BNIP1: variants seen among roughly 807,000 people sequenced by gnomAD.
BNIP1 encodes BCL2 interacting protein 1, also known as vesicle transport protein SEC20.
Under a neutral mutation model 28.5 loss-of-function variants are expected in BNIP1, and 25 were observed. That is an observed-to-expected ratio of 0.88 (90% CI 0.64 to 1.23). The LOEUF (loss-of-function observed/expected upper bound fraction) is 1.23, where lower values mean the gene tolerates loss of function less well. Among genes scored for constraint, BNIP1 ranks in the 50% most tolerant of loss-of-function variants. The pLI, the probability that BNIP1 is intolerant of heterozygous loss-of-function variation, is 0.00. For synonymous variants in BNIP1, 118 were observed against 101.7 expected, an observed-to-expected ratio of 1.16 and a Z score of -0.96; for missense variants, 276 against 277.0, an observed-to-expected ratio of 1.00 and a Z score of 0.02.
rs750874584 is a variant in BNIP1 at position 173,163,927 on chromosome 5, CA to C, written c.*9del. 2 of 1,596,370 alleles carry C rather than the reference CA, an allele frequency of 1.3e-6. No homozygotes were observed. Among genetic ancestry groups the C allele is most frequent in the Non-Finnish European group, 1.7e-6 (2 of 1,170,616 alleles). On this transcript the variant is annotated 3_prime_UTR_variant, in exon 6 of 6. Coordinates refer to ENST00000351486, the MANE Select transcript of BNIP1 (RefSeq NM_001205.3). ...GGCTCTTTCCATTTTTGTGAGATCC[CA>C]AAGGTGCCAGTTCTGGCCCTTTCAG...
Position 173,146,085 on chromosome 5 carries a change from T to C in BNIP1, c.85-781T>C, listed in dbSNP as rs1378287759. On this transcript the variant is annotated intron_variant, in intron 1 of 5. Transcript: ENST00000351486. ...ACTCTTTCTAACATTTGGGTTCTTG[T>C]CATTGCTGATGAGAAAGACTGATTA... Among the ~76,000 whole-genome samples, 3 of 152,242 alleles carry C rather than the reference T, an allele frequency of 2.0e-5. No individual in the cohort carries two copies. The East Asian group carries it at 5.8e-4, about 29-fold the overall frequency.
At chr5:173,158,326 CG>C (rs1760263796) in intron 3 of BNIP1, among the ~76,000 whole-genome samples, 1 of 152,166 alleles carries the variant, frequency 6.6e-6, no homozygotes, top group Non-Finnish European at 1.5e-5. Flanking sequence ...CATGGTTCTC[CG>C]GGGATGGTAC....
chr5:173,159,877 C>G, intron 4 of BNIP1, 56 bp from the exon 5 acceptor site: 1 of 1,476,404 alleles, frequency 6.8e-7, no homozygotes, highest in Admixed American at 1.7e-5. Flanking sequence ...GTGGGGCCTT[C>G]TTGCAGGGAG....
intron 5 of BNIP1, among the ~76,000 whole-genome samples, chr5:173,162,088 T>C (rs1760378605): frequency 6.6e-6 from 1 of 152,128 alleles, no homozygotes; most frequent in Non-Finnish European, 1.5e-5. Flanking sequence ...ACATACAGCA[T>C]AGAGAAGGAT....
chr5:173,162,910 A>G (rs575065091), intron 5 of BNIP1, among the ~76,000 whole-genome samples: 32 of 152,250 alleles, frequency 2.1e-4, no homozygotes, highest in South Asian at 2.1e-4. Context: ...AAGCTTTTGT[A>G]ACTTAAGCAA....
intron 4 of BNIP1, 65 bp downstream of exon 4, chr5:173,158,910 A>G: frequency 7.9e-7 from 1 of 1,260,192 alleles, no homozygotes; most frequent in Non-Finnish European, 1.1e-6. Context: ...GGTGTAGGAA[A>G]CCCCCTCTTG....
chr5:173,156,708 C>T (rs558260031), intron 3 of BNIP1, among the ~76,000 whole-genome samples: 44 of 148,642 alleles, frequency 3.0e-4, no homozygotes, highest in Middle Eastern at 3.5e-3. Context: ...AGTGCAGTGG[C>T]GCAATCTCGG....
At position 173,146,873 on chromosome 5, in the gene BNIP1, G is replaced by C; in HGVS notation, c.92G>C (p.Arg31Pro). The change falls in exon 2 of 6, where the codon CGT (arginine) becomes CCT (proline). Residue 31 changes from arginine to proline, a missense_variant. Transcript: ENST00000351486. ...CTGTTCAATGTCTCCTAGGATATCC[G>C]TGATTGTTCAGGACCCTTAAGTGCT... ...LEVKALIQDI[R>P]DCSGPLSALT... is the part of the protein sequence containing the mutation. 6.2e-7 allele frequency: 1 copy of C among 1,612,970 alleles called. No individual in the cohort carries two copies. The highest frequency in any genetic ancestry group is 1.7e-5 in the Admixed American group (1 of 60,012).
intron 1 of BNIP1, among the ~76,000 whole-genome samples, chr5:173,146,611 A>T (rs1221436232): frequency 1.3e-5 from 2 of 152,238 alleles, no homozygotes; most frequent in Non-Finnish European, 2.9e-5. Context: ...AAATTTAGGC[A>T]CTAAAAATTA....
chr5:173,155,200 T>C (rs1760149884), intron 3 of BNIP1, among the ~76,000 whole-genome samples: 1 of 152,220 alleles, frequency 6.6e-6, no homozygotes, highest in African/African-American at 2.4e-5. Flanking sequence ...GAGGTTGTAA[T>C]TGCAGGTGTG....
In BNIP1 at chr5:173,154,418, G is replaced by T. The variant is rs1419654986; in HGVS notation, c.269+5G>T. 1 of 1,609,190 alleles carries T rather than the reference G, an allele frequency of 6.2e-7. No homozygotes were observed. The highest frequency in any genetic ancestry group is 1.7e-5 in the Admixed American group (1 of 59,400). Reference sequence around the variant, plus strand: ...TCACAAAAAGCAGATGCTCAGGTAGGCAGGGCCTGCCCCCGCCAGCGGCTT... The same window carrying T: ...TCACAAAAAGCAGATGCTCAGGTAGTCAGGGCCTGCCCCCGCCAGCGGCTT... On this transcript the variant is annotated splice_donor_5th_base_variant and intron_variant, in intron 3 of 5. Coordinates refer to ENST00000351486, the MANE Select transcript of BNIP1 (RefSeq NM_001205.3).
chr5:173,158,668 G>A, intron 3 of BNIP1, 76 bp from the exon 4 acceptor site: 1 of 1,197,930 alleles, frequency 8.3e-7, no homozygotes, highest in Admixed American at 2.1e-5. Context: ...CCTTTGTTGG[G>A]GGGAAGTGCT....
At chr5:173,157,910 T>TTG (rs758398770) in intron 3 of BNIP1, among the ~76,000 whole-genome samples, 23 of 149,040 alleles carry the variant, frequency 1.5e-4, no homozygotes, top group Middle Eastern at 7.1e-3. Context: ...GATTGGCTTT[T>TTG]TGTGTGTGTG....
At position 173,146,166 on chromosome 5, in the gene BNIP1, A is replaced by G. The variant is rs549000694; in HGVS notation, c.85-700A>G. On this transcript the variant is annotated intron_variant, in intron 1 of 5. Transcript: ENST00000351486. ...CCAGCAGCTCTGCTAAGTGCTTTAC[A>G]TACATACATAATCTATGATGTTCTA... Among the ~76,000 whole-genome samples, 52 of 152,364 alleles carry G rather than the reference A, an allele frequency of 3.4e-4. No homozygotes were observed. In the South Asian group the frequency reaches 0.011, roughly 32 times the overall value.
chr5:173,154,173 G>A (rs995914117), intron 2 of BNIP1, 149 bp from the exon 3 acceptor site: 3 of 618,038 alleles, frequency 4.9e-6, no homozygotes, highest in Non-Finnish European at 5.7e-6. Flanking sequence ...AAAAGGATGT[G>A]TGTTATATGT....
chr5:173,163,789 G>C lies in BNIP1; in HGVS notation c.555G>C (p.Gln185His). ...TTAAGTCCATGTCGGGCACCATCCA[G>C]CTGGGCCGGAAGCTTATCACAAAAT... ...EEFKSMSGTIQLGRKLITKYN... is the reference protein window; with the variant it reads ...EEFKSMSGTIHLGRKLITKYN... Residue 185 changes from glutamine (Q) to histidine (H), a missense_variant, in exon 6 of 6, where the codon CAG (glutamine) becomes CAC (histidine). Physicochemically the swap from Gln to His is conservative, Grantham distance 24. Coordinates refer to ENST00000351486, the MANE Select transcript of BNIP1 (RefSeq NM_001205.3). 1.2e-6 allele frequency: 2 copies of C among 1,613,698 alleles called. No homozygotes were observed. The highest frequency in any genetic ancestry group is 1.7e-6 in the Non-Finnish European group (2 of 1,179,822).
rs556337656 is a variant in BNIP1 at position 173,164,037 on chromosome 5, G to A, written c.*116G>A. On this transcript the variant is annotated 3_prime_UTR_variant, in exon 6 of 6. Coordinates refer to ENST00000351486, the MANE Select transcript of BNIP1 (RefSeq NM_001205.3). This position sits in a 1 kb window ranked among gnomAD's most constrained non-coding sequence, Gnocchi z 4.0. ...ACCCCTCCGTTTGCACCAGTTGCCT[G>A]CAGGTTGGATGGAACACAGTGCCCC... 9.8e-6 allele frequency: 11 copies of A among 1,119,124 alleles called. No individual in the cohort carries two copies. In the African/African-American group the frequency reaches 1.3e-4, roughly 13 times the overall value. 69.3% of individuals were successfully genotyped at this position (1,119,124 alleles called of 1,614,324 possible).
chr5:173,154,157 A>G (rs1483454646), intron 2 of BNIP1, among the ~76,000 whole-genome samples, 165 bp from the exon 3 acceptor site: 1 of 152,114 alleles, frequency 6.6e-6, no homozygotes, highest in Non-Finnish European at 1.5e-5. Context: ...ACTTAGCTAT[A>G]GATTTAAAAG....
In BNIP1 at chr5:173,146,939, A is replaced by G; in HGVS notation, c.158A>G (p.Gln53Arg). The change falls in exon 2 of 6, where the codon CAG becomes CGG. Residue 53 changes from glutamine to arginine, a missense_variant. By Grantham distance (43) the Gln-to-Arg change is conservative. Transcript: ENST00000351486. ...ACTAAAGTAAAAGAGAAATTTCAAC[A>G]GTTGCGTCACAGAATACAGGTGGGT... is the stretch of plus-strand genomic sequence containing the variant. ...LNTKVKEKFQ[Q>R]LRHRIQDLEQ... 6.2e-7 allele frequency: 1 copy of G among 1,613,664 alleles called. No individual in the cohort carries two copies. The highest frequency in any genetic ancestry group is 8.5e-7 in the Non-Finnish European group (1 of 1,179,574).
Sources: gnomAD v4.1 joint callset for allele counts (sites outside exome capture counted in the v4.1 genomes callset) on GRCh38, gnomAD v4.1.1 for gene constraint, Gnocchi (gnomAD v3.1) non-coding constraint, MANE v1.5 for transcripts, NCBI Gene and HGNC (gene_info 2026-07-23, HGNC 2026-07-21) for gene names.